EXOC2: variants seen among roughly 807,000 people sequenced by gnomAD.
The protein encoded by EXOC2 is SEC5-like 1.
A neutral mutation model predicts 131.8 loss-of-function variants in EXOC2; 70 were observed. The observed-to-expected ratio is 0.53, with a 90% CI of 0.44 to 0.65. The LOEUF (loss-of-function observed/expected upper bound fraction) is 0.65. Among genes scored for constraint, EXOC2 ranks in the 30% least tolerant of loss-of-function variants. EXOC2 has a pLI of 0.00. For missense variants in EXOC2, 923 were observed against 1,108.6 expected (o/e 0.83, Z 2.38); for synonymous variants, 411 against 398.4 (o/e 1.03, Z -0.38).
At chr6:521,571 A>G (rs970769100) in intron 23 of EXOC2, among the ~76,000 whole-genome samples, 7 of 150,966 alleles carry the variant, frequency 4.6e-5, no homozygotes, top group Non-Finnish European at 7.4e-5. Context: ...TCTGTCACCC[A>G]GGCTGGTGTG....
chr6:686,248 C>T (rs745945826), intron 1 of EXOC2, among the ~76,000 whole-genome samples: 2 of 151,324 alleles, frequency 1.3e-5, no homozygotes, highest in Admixed American at 6.6e-5. Context: ...AGGTGTGAGC[C>T]GCCGCGCCCG....
chr6:617,427 G>C (rs1254244822), intron 6 of EXOC2, among the ~76,000 whole-genome samples: 1 of 152,258 alleles, frequency 6.6e-6, no homozygotes, highest in African/African-American at 2.4e-5. Context: ...TGTGCATTGG[G>C]ATTTAATTTC....
intron 17 of EXOC2, among the ~76,000 whole-genome samples, chr6:562,255 C>T (rs890944284): frequency 1.3e-5 from 2 of 152,168 alleles, no homozygotes; most frequent in Admixed American, 6.5e-5. Flanking sequence ...CCCACAGGAC[C>T]GCGAGGGGCA....
chr6:665,911 AC>A (rs1396639941), intron 1 of EXOC2, among the ~76,000 whole-genome samples: 1 of 152,148 alleles, frequency 6.6e-6, no homozygotes, highest in Non-Finnish European at 1.5e-5. Flanking sequence ...TACCACCTGT[AC>A]CCCAATAACT....
intron 6 of EXOC2, among the ~76,000 whole-genome samples, chr6:611,189 ACTATGCCTAAG>A (rs1167429740): frequency 6.6e-6 from 1 of 152,196 alleles, no homozygotes; most frequent in Non-Finnish European, 1.5e-5. Context: ...AAGGAGATGG[ACTATGCCTAAG>A]CATTAGAAAG....
chr6:625,176 CACAA>C (rs1366387348), intron 4 of EXOC2, among the ~76,000 whole-genome samples: 1 of 152,222 alleles, frequency 6.6e-6, no homozygotes, highest in Non-Finnish European at 1.5e-5. Flanking sequence ...AGCGAAGAGA[CACAA>C]ACAGGCACGT....
chr6:538,993 C>A (rs1766633693), intron 22 of EXOC2, among the ~76,000 whole-genome samples: 2 of 151,968 alleles, frequency 1.3e-5, no homozygotes, highest in Non-Finnish European at 2.9e-5. Context: ...TTGCTTGAAC[C>A]CGGGAGGCGG....
At chr6:556,753 T>G (rs1757440562) in intron 17 of EXOC2, among the ~76,000 whole-genome samples, 189 bp from the exon 18 acceptor site, 1 of 152,248 alleles carries the variant, frequency 6.6e-6, no homozygotes, top group Non-Finnish European at 1.5e-5. Flanking sequence ...GTACTTCGTA[T>G]TTTAGAATGA....
chr6:623,454 G>A (rs987747119), intron 4 of EXOC2, among the ~76,000 whole-genome samples: 2 of 152,210 alleles, frequency 1.3e-5, no homozygotes, highest in African/African-American at 4.8e-5. Context: ...GACATGTATT[G>A]AGACTTATAG....
At chr6:608,422 A>G (rs1760539017) in intron 7 of EXOC2, among the ~76,000 whole-genome samples, 1 of 152,238 alleles carries the variant, frequency 6.6e-6, no homozygotes, top group Non-Finnish European at 1.5e-5. Context: ...TTATAAAGAA[A>G]TGTATTTTAG....
intron 17 of EXOC2, among the ~76,000 whole-genome samples, chr6:556,904 C>T (rs2127576030): frequency 6.6e-6 from 1 of 152,242 alleles, no homozygotes; most frequent in African/African-American, 2.4e-5. Flanking sequence ...ATTTTGAATG[C>T]TAATTCTGAA....
At chr6:617,192 A>C (rs1761057980) in intron 6 of EXOC2, among the ~76,000 whole-genome samples, 1 of 152,224 alleles carries the variant, frequency 6.6e-6, no homozygotes, top group South Asian at 2.1e-4. Flanking sequence ...ATAAAAAAAA[A>C]ACTCTACCAA....
chr6:592,463 C>A lies in EXOC2; in HGVS notation c.1192+6G>T. ...TCACACAACACATTGGAAGAGAAATCCTTGCCTTTCAGATCTTTCACGTAG... is the reference window on the plus strand; with the variant it reads ...TCACACAACACATTGGAAGAGAAATACTTGCCTTTCAGATCTTTCACGTAG... On this transcript the variant is annotated splice_donor_region_variant and intron_variant, in intron 11 of 27. Transcript: ENST00000230449. 3 of 1,609,598 alleles carry A rather than the reference C, an allele frequency of 1.9e-6. No individual in the cohort carries two copies. Among genetic ancestry groups the A allele is most frequent in the Non-Finnish European group, 2.6e-6 (3 of 1,176,452 alleles).
chr6:572,766 G>A, intron 12 of EXOC2, 122 bp from the exon 13 acceptor site: 1 of 1,267,224 alleles, frequency 7.9e-7, no homozygotes, highest in East Asian at 2.4e-5. Flanking sequence ...AATAGCCTGA[G>A]TCTGCGTGGA....
chr6:616,468 T>C (rs960790083), intron 6 of EXOC2, among the ~76,000 whole-genome samples: 1 of 151,316 alleles, frequency 6.6e-6, no homozygotes, highest in Non-Finnish European at 1.5e-5. Flanking sequence ...CCGGGCGCAG[T>C]GGCGGGCGCC....
At position 584,182 on chromosome 6, in the gene EXOC2, A is replaced by G. The variant is rs542959181; in HGVS notation, c.1193-7300T>C. Among the ~76,000 whole-genome samples, 266 of 152,348 alleles carry G rather than the reference A, an allele frequency of 1.7e-3. 4 individuals are homozygous for G. Among genetic ancestry groups the G allele is most frequent in the African/African-American group, 6.1e-3 (253 of 41,576 alleles). On this transcript the variant is annotated intron_variant, in intron 11 of 27. Transcript: ENST00000230449. ...TTTGCGTGGTTCCACAGAAAATTCA[A>G]TGAATCTGCTAATGGTTTCCTAATG...
Position 633,103 on chromosome 6 carries a change from C to T in EXOC2, c.133G>A (p.Gly45Arg). 1.9e-6 allele frequency: 3 copies of T among 1,613,162 alleles called. No homozygotes were observed. The highest frequency in any genetic ancestry group is 2.5e-6 in the Non-Finnish European group (3 of 1,179,988). Reference sequence around the variant, plus strand: ...TCTGCCGTCAGGAGGCAATTATGTCCACAAATGGTCAAGCCTGAAAATAAA... The same window carrying T: ...TCTGCCGTCAGGAGGCAATTATGTCTACAAATGGTCAAGCCTGAAAATAAA... ...PTDLIGLTIC[G>R]HNCLLTAEWM... is the part of the protein sequence containing the mutation. The change falls in exon 3 of 28, where the codon GGA becomes AGA. Residue 45 changes from glycine (G) to arginine (R), a missense_variant. By Grantham distance (125) the Gly-to-Arg change is moderately radical (BLOSUM62 -2). Transcript: ENST00000230449.
At chr6:499,782 CT>C in intron 23 of EXOC2, 82 bp from the exon 24 acceptor site, 1 of 1,114,300 alleles carries the variant, frequency 9.0e-7, no homozygotes, top group East Asian at 2.4e-5. Flanking sequence ...GTACCCCATG[CT>C]TTAGAGTTTT....
At chr6:684,906 A>G (rs908856427) in intron 1 of EXOC2, among the ~76,000 whole-genome samples, 4 of 152,198 alleles carry the variant, frequency 2.6e-5, no homozygotes, top group Non-Finnish European at 5.9e-5. Context: ...AGCAGACAAG[A>G]AATCTGAACA....
Sources: gnomAD v4.1 joint callset for allele counts (sites outside exome capture counted in the v4.1 genomes callset) on GRCh38, gnomAD v4.1.1 for gene constraint, MANE v1.5 for transcripts, NCBI Gene and HGNC (gene_info 2026-07-23, HGNC 2026-07-21) for gene names.